DLG2: variants seen among roughly 807,000 people sequenced by gnomAD.
DLG2 encodes the protein disks large homolog 2.
A neutral mutation model predicts 132.5 loss-of-function variants in DLG2; 45 were observed. The ratio of observed to expected loss-of-function variants is 0.34; its 90% CI spans 0.27 to 0.44. The LOEUF (loss-of-function observed/expected upper bound fraction) is 0.44, where lower values mean the gene tolerates loss of function less well. Among genes scored for constraint, DLG2 ranks in the 20% least tolerant of loss-of-function variants. DLG2 has a pLI of 1.00. For missense variants in DLG2, 1,045 were observed against 1,196.9 expected (o/e 0.87, Z 1.87); for synonymous variants, 424 against 419.6 (o/e 1.01, Z -0.13).
intron 7 of DLG2, among the ~76,000 whole-genome samples, chr11:84,260,154 T>G (rs759849471): frequency 2.6e-4 from 40 of 152,146 alleles, no homozygotes; most frequent in Non-Finnish European, 4.1e-4. Context: ...TTTTTTCTAG[T>G]GCAGAAATGA....
intron 3 of DLG2, among the ~76,000 whole-genome samples, chr11:85,511,117 C>T (rs2094056361): frequency 6.6e-6 from 1 of 151,958 alleles, no homozygotes; most frequent in Non-Finnish European, 1.5e-5. Context: ...CAAACTATCG[C>T]AAGGACAAAA....
chr11:85,200,194 G>T (rs2081362599), intron 4 of DLG2, among the ~76,000 whole-genome samples: 1 of 152,168 alleles, frequency 6.6e-6, no homozygotes, highest in African/African-American at 2.4e-5. Context: ...TTGTGCTCCA[G>T]GGTTCAAGCC....
chr11:85,415,884 A>G (rs2152987522), intron 3 of DLG2, among the ~76,000 whole-genome samples: 1 of 152,166 alleles, frequency 6.6e-6, no homozygotes, highest in South Asian at 2.1e-4. Context: ...ATTAAATTTC[A>G]TATGTCACTT....
intron 6 of DLG2, among the ~76,000 whole-genome samples, chr11:84,577,175 C>T (rs988299992): frequency 9.9e-5 from 15 of 152,202 alleles, no homozygotes; most frequent in African/African-American, 3.1e-4. Flanking sequence ...TGGAATGGTA[C>T]GTCCAATTAA....
At chr11:84,906,185 CT>C (rs76437536) in intron 6 of DLG2, among the ~76,000 whole-genome samples, 5,086 of 141,824 alleles carry the variant, frequency 0.036, 258 homozygotes, top group African/African-American at 0.11. Flanking sequence ...CCCTTTTTTC[CT>C]TTTTTTTTTA....
chr11:84,818,938 C>CATT (rs2077364496), intron 6 of DLG2, among the ~76,000 whole-genome samples: 1 of 151,582 alleles, frequency 6.6e-6, no homozygotes, highest in African/African-American at 2.4e-5. Context: ...AGTCCATTAT[C>CATT]ATCATTGCTG....
chr11:84,837,290 T>C (rs2079952288), intron 6 of DLG2, among the ~76,000 whole-genome samples: 2 of 151,862 alleles, frequency 1.3e-5, no homozygotes, highest in Admixed American at 1.3e-4. Context: ...GGTATAGTAT[T>C]GAAATTCTCA....
chr11:84,478,044 G>A (rs993741854), intron 7 of DLG2, among the ~76,000 whole-genome samples: 3 of 152,112 alleles, frequency 2.0e-5, no homozygotes, highest in Non-Finnish European at 2.9e-5. Flanking sequence ...AAGTCACACA[G>A]CTAGTAAATG....
At chr11:83,790,150 C>G in intron 17 of DLG2, 1 of 858,256 alleles carries the variant, frequency 1.2e-6, no homozygotes, top group South Asian at 1.7e-5. Context: ...ATCCAGGCAG[C>G]TGAGACCTTG....
At chr11:85,123,260 A>T (rs963460735) in intron 5 of DLG2, among the ~76,000 whole-genome samples, 2 of 151,960 alleles carry the variant, frequency 1.3e-5, no homozygotes, top group African/African-American at 4.8e-5. Flanking sequence ...TACAGGCGTG[A>T]GCCACCATGC....
chr11:85,121,002 T>C (rs1289785923), intron 5 of DLG2, among the ~76,000 whole-genome samples: 1 of 152,082 alleles, frequency 6.6e-6, no homozygotes, highest in Non-Finnish European at 1.5e-5. Flanking sequence ...GTATGCATAG[T>C]GCTGGTGTCA....
intron 4 of DLG2, among the ~76,000 whole-genome samples, chr11:85,258,658 G>T (rs2076786621): frequency 6.6e-6 from 1 of 152,174 alleles, no homozygotes; most frequent in Non-Finnish European, 1.5e-5. Flanking sequence ...TAGTTAAAAG[G>T]TCAATGTACC....
intron 6 of DLG2, among the ~76,000 whole-genome samples, chr11:84,966,983 G>C (rs1006739702): frequency 6.6e-6 from 1 of 152,034 alleles, no homozygotes; most frequent in Non-Finnish European, 1.5e-5. Flanking sequence ...CATTGGTCTG[G>C]GATGCAATAA....
intron 7 of DLG2, among the ~76,000 whole-genome samples, chr11:84,328,402 A>G (rs923836308): frequency 6.6e-6 from 1 of 152,178 alleles, no homozygotes; most frequent in Non-Finnish European, 1.5e-5. Context: ...AACACATAGT[A>G]GGGTTTAATA....
intron 19 of DLG2, among the ~76,000 whole-genome samples, chr11:83,594,616 G>A (rs1014994879): frequency 6.6e-6 from 1 of 152,140 alleles, no homozygotes; most frequent in African/African-American, 2.4e-5. Context: ...AAGAATAGAG[G>A]TTGTTGAAGA....
chr11:84,222,762 A>C (rs140670677), intron 8 of DLG2, among the ~76,000 whole-genome samples: 2 of 152,326 alleles, frequency 1.3e-5, no homozygotes, highest in Non-Finnish European at 2.9e-5. Flanking sequence ...TCTAGAGCTT[A>C]ATGATGGATG....
intron 3 of DLG2, among the ~76,000 whole-genome samples, chr11:85,351,464 A>T (rs1410998276): frequency 6.6e-6 from 1 of 152,192 alleles, no homozygotes; most frequent in South Asian, 2.1e-4. Context: ...AGGAGTGGTG[A>T]GAGAGGGCAT....
rs145553319 is a variant in DLG2 at position 85,506,515 on chromosome 11, G to A, written c.40+92142C>T. ...GAGCAAGTTGTTCAGTTTCTGCCTA[G>A]TTGTGTGATTTTTGAGTAAGTTTCT... On this transcript the variant is annotated intron_variant, in intron 3 of 27. Coordinates refer to ENST00000376104, the MANE Select transcript of DLG2 (RefSeq NM_001142699.3). 3.4e-3 allele frequency among the ~76,000 whole-genome samples: 513 copies of A among 152,274 alleles called. 2 individuals carry two copies. The highest frequency in any genetic ancestry group is 0.012 in the African/African-American group (482 of 41,562).
At chr11:85,040,714 G>A (rs537150389) in intron 6 of DLG2, among the ~76,000 whole-genome samples, 1 of 151,906 alleles carries the variant, frequency 6.6e-6, no homozygotes, top group Non-Finnish European at 1.5e-5. Context: ...AGAAAGTATA[G>A]AAGTACTACT....
Sources: gnomAD v4.1 joint callset for allele counts (sites outside exome capture counted in the v4.1 genomes callset) on GRCh38, gnomAD v4.1.1 for gene constraint, MANE v1.5 for transcripts, NCBI Gene and HGNC (gene_info 2026-07-23, HGNC 2026-07-21) for gene names.